Variants in ZBTB38 observed in about 807,000 individuals in gnomAD.
The protein encoded by ZBTB38 is zinc finger and BTB domain-containing protein 38.
ZBTB38 carries 20 observed loss-of-function variants against 76.8 expected under a neutral mutation model. The ratio of observed to expected loss-of-function variants is 0.26; its 90% CI spans 0.18 to 0.38. The LOEUF (loss-of-function observed/expected upper bound fraction) is 0.38, where lower values mean the gene tolerates loss of function less well. ZBTB38 is among the 10% of genes least tolerant of loss of function. ZBTB38 has a pLI of 1.00. For synonymous variants in ZBTB38, 504 were observed against 544.2 expected, an observed-to-expected ratio of 0.93 and a Z score of 1.03; for missense variants, 1,082 against 1,482.3, an observed-to-expected ratio of 0.73 and a Z score of 4.43.
At chr3:141,428,090 T>C (rs531989291) in intron 5 of ZBTB38, among the ~76,000 whole-genome samples, 149 of 152,340 alleles carry the variant, frequency 9.8e-4, no homozygotes, top group Middle Eastern at 3.4e-3. Context: ...ATCAAGGGGC[T>C]GCATGCCTTA....
intron 5 of ZBTB38, among the ~76,000 whole-genome samples, chr3:141,441,388 C>T (rs1256753917): frequency 6.6e-6 from 1 of 152,232 alleles, no homozygotes; most frequent in Non-Finnish European, 1.5e-5. Flanking sequence ...CCGTTCTTGT[C>T]AAAGGACTTA....
At chr3:141,406,825 TG>T (rs1369865464) in intron 5 of ZBTB38, among the ~76,000 whole-genome samples, 1 of 152,078 alleles carries the variant, frequency 6.6e-6, no homozygotes, top group African/African-American at 2.4e-5. Flanking sequence ...TGTCAGACCG[TG>T]GAAGGTGAGG....
chr3:141,414,177 G>A (rs1010812120), intron 5 of ZBTB38, among the ~76,000 whole-genome samples: 2 of 152,158 alleles, frequency 1.3e-5, no homozygotes, highest in African/African-American at 4.8e-5. Context: ...ATCAAATGTG[G>A]GCTTGGTATA....
At chr3:141,338,204 A>T (rs889458859) in intron 1 of ZBTB38, among the ~76,000 whole-genome samples, 1 of 152,208 alleles carries the variant, frequency 6.6e-6, no homozygotes, top group African/African-American at 2.4e-5. Context: ...AGTGTAAACT[A>T]GTTCATCTGC....
At position 141,426,492 on chromosome 3, in the gene ZBTB38, G is replaced by A. The variant is rs372615233; in HGVS notation, c.1-15897G>A. 4.2e-3 allele frequency among the ~76,000 whole-genome samples: 644 copies of A among 152,240 alleles called. 3 individuals carry two copies. The highest frequency in any genetic ancestry group is 0.014 in the African/African-American group (602 of 41,522). ...AGCAGCAGGCCACAGACCCAGCACCGTCTCCAGATTAGCTCCTTATGAGAG... is the reference window on the plus strand; with the variant it reads ...AGCAGCAGGCCACAGACCCAGCACCATCTCCAGATTAGCTCCTTATGAGAG... On this transcript the variant is annotated intron_variant, in intron 5 of 5. Coordinates refer to ENST00000321464, the MANE Select transcript of ZBTB38 (RefSeq NM_001376113.1).
Position 141,406,268 on chromosome 3 carries a change from A to T in ZBTB38, c.-1+2237A>T, listed in dbSNP as rs116011835. ...GTGAGTAGCTTGGGGGGAGATCGGG[A>T]GGAGAGGCAGGGCAGAAACTAGAGG... On this transcript the variant is annotated intron_variant, in intron 5 of 5. Coordinates refer to ENST00000321464, the MANE Select transcript of ZBTB38 (RefSeq NM_001376113.1). 5.1e-3 allele frequency among the ~76,000 whole-genome samples: 774 copies of T among 152,224 alleles called. 3 individuals are homozygous for T. Among genetic ancestry groups the T allele is most frequent in the Non-Finnish European group, 7.0e-3 (479 of 67,998 alleles).
At chr3:141,374,896 C>G (rs1945142503) in intron 2 of ZBTB38, among the ~76,000 whole-genome samples, 1 of 152,142 alleles carries the variant, frequency 6.6e-6, no homozygotes, top group South Asian at 2.1e-4. Context: ...ATGTCTATTT[C>G]AAAACCTTGG....
At chr3:141,369,700 G>A (rs927152829) in intron 1 of ZBTB38, among the ~76,000 whole-genome samples, 172 bp from the exon 2 acceptor site, 2 of 152,172 alleles carry the variant, frequency 1.3e-5, no homozygotes, top group South Asian at 2.1e-4. Context: ...GACTGGGAGC[G>A]GGGAGGCGTA....
rs190131484 is a variant in ZBTB38 at position 141,336,335 on chromosome 3, G to A, written c.-739+11879G>A. On this transcript the variant is annotated intron_variant, in intron 1 of 7. Transcript: ENST00000509842. ...CATTAAAACCCAGGCTTCCCACCAA[G>A]AGCAACTGGCATGGTTTTCTATTTG... Among the ~76,000 whole-genome samples the A allele has an allele frequency of 2.8e-3, 420 of 152,144 alleles. 1 individual carries two copies. Among genetic ancestry groups the A allele is most frequent in the Admixed American group, 4.6e-3 (70 of 15,288 alleles).
At chr3:141,341,043 G>A (rs201289495) in intron 1 of ZBTB38, among the ~76,000 whole-genome samples, 62 of 151,298 alleles carry the variant, frequency 4.1e-4, no homozygotes, top group Admixed American at 6.6e-4. Context: ...GTTAATAAGC[G>A]CATGAAAAGA....
intron 4 of ZBTB38, chr3:141,392,761 A>G (rs533675556): frequency 5.3e-5 from 8 of 152,346 alleles, no homozygotes; most frequent in African/African-American, 1.9e-4. Flanking sequence ...CTCAAATGCA[A>G]AAATTTGAAT....
chr3:141,444,824 C>A lies in ZBTB38; in HGVS notation c.2436C>A (p.Thr812=). The A allele has an allele frequency of 6.2e-7, 1 of 1,614,114 alleles. No homozygotes were observed. Among genetic ancestry groups the A allele is most frequent in the South Asian group, 1.1e-5 (1 of 91,078 alleles). The change falls in exon 6 of 6, where the codon ACC becomes ACA. Residue 812 remains threonine (T), a synonymous_variant. Transcript: ENST00000321464. This position sits in a 1 kb window ranked among gnomAD's most constrained non-coding sequence, Gnocchi z 5.1. ...LSKTTNIAEE[T]SKIETYIAKP... is the part of the protein sequence containing the mutation. ...AAACCACAAATATTGCTGAAGAAAC[C>A]AGCAAAATTGAAACCTACATTGCAA...
intron 5 of ZBTB38, among the ~76,000 whole-genome samples, chr3:141,416,079 C>A (rs2073973329): frequency 6.6e-6 from 1 of 152,128 alleles, no homozygotes; most frequent in Non-Finnish European, 1.5e-5. Context: ...CTTTAATGTT[C>A]ATGGCTGAGG....
At chr3:141,431,341 A>AAAATATATATATATATATAT in intron 5 of ZBTB38, among the ~76,000 whole-genome samples, 4 of 103,286 alleles carry the variant, frequency 3.9e-5, no homozygotes, top group African/African-American at 1.2e-4. Flanking sequence ...AAAAAAAAAA[A>AAAATATATATATATATATAT]ATATATATAT....
At chr3:141,441,105 C>CT (rs1465229555) in intron 5 of ZBTB38, among the ~76,000 whole-genome samples, 1 of 151,652 alleles carries the variant, frequency 6.6e-6, no homozygotes, top group Non-Finnish European at 1.5e-5. Flanking sequence ...TGCATCACAC[C>CT]TAGTAAGGGT....
chr3:141,384,727 A>G (rs752866365), intron 3 of ZBTB38: 2 of 152,250 alleles, frequency 1.3e-5, no homozygotes, highest in African/African-American at 4.8e-5. Flanking sequence ...ACCAGAGCTC[A>G]TAGAGCAATG....
intron 5 of ZBTB38, among the ~76,000 whole-genome samples, chr3:141,429,088 A>C (rs1342038650): frequency 6.6e-6 from 1 of 152,080 alleles, no homozygotes; most frequent in Non-Finnish European, 1.5e-5. Flanking sequence ...AAAGATTGGT[A>C]CTCTTATGGG....
intron 5 of ZBTB38, among the ~76,000 whole-genome samples, chr3:141,429,299 G>A (rs1338181372): frequency 6.6e-6 from 1 of 151,218 alleles, no homozygotes; most frequent in Non-Finnish European, 1.5e-5. Context: ...GATTGTGAGT[G>A]CGGGGGACGG....
intron 5 of ZBTB38, among the ~76,000 whole-genome samples, chr3:141,424,649 C>T (rs76300426): frequency 0.03 from 4,546 of 149,888 alleles, 85 homozygotes; most frequent in East Asian, 0.069. Flanking sequence ...TGTGTGTGTG[C>T]GTGTGTGTGT....
Sources: allele counts gnomAD v4.1 joint callset (sites outside exome capture counted in the v4.1 genomes callset), GRCh38; gene constraint gnomAD v4.1.1; non-coding constraint Gnocchi (gnomAD v3.1); transcripts MANE v1.5; gene names NCBI Gene and HGNC (gene_info 2026-07-23, HGNC 2026-07-21).